Variants in GRIN2B observed in about 807,000 individuals in gnomAD.
GRIN2B encodes glutamate ionotropic receptor NMDA type subunit 2B, also known as glutamate receptor ionotropic, NMDA 2B.
In GRIN2B, 5 loss-of-function variants were observed where a neutral mutation model predicts 114.5. The observed-to-expected ratio is 0.04, with a 90% CI of 0.02 to 0.09. The LOEUF (loss-of-function observed/expected upper bound fraction) is 0.09, where lower values mean the gene tolerates loss of function less well. Ranked by LOEUF, GRIN2B falls within the 10% of genes least tolerant of loss-of-function variation. The pLI is 1.00. For synonymous variants in GRIN2B, 787 were observed against 745.1 expected (o/e 1.06, Z -0.92); for missense variants, 1,108 against 1,943.5 (o/e 0.57, Z 8.08).
intron 3 of GRIN2B, among the ~76,000 whole-genome samples, chr12:13,769,180 G>A (rs904601411): frequency 6.6e-6 from 1 of 152,010 alleles, no homozygotes; most frequent in Non-Finnish European, 1.5e-5. Flanking sequence ...CGTTTACCTT[G>A]CTCAGAATGC....
intron 5 of GRIN2B, among the ~76,000 whole-genome samples, chr12:13,647,874 C>G (rs935766076): frequency 3.3e-5 from 5 of 152,076 alleles, no homozygotes; most frequent in African/African-American, 1.2e-4. Context: ...TTAATGAATC[C>G]CGCAGCTTCT....
At chr12:13,622,661 A>G (rs575010707) in intron 5 of GRIN2B, among the ~76,000 whole-genome samples, 19 of 152,094 alleles carry the variant, frequency 1.2e-4, no homozygotes, top group Non-Finnish European at 2.5e-4. Flanking sequence ...AGTCCAATAT[A>G]AAGGTGCTGG....
At chr12:13,971,931 C>T (rs541942612) in intron 2 of GRIN2B, among the ~76,000 whole-genome samples, 4 of 152,304 alleles carry the variant, frequency 2.6e-5, no homozygotes, top group Non-Finnish European at 2.9e-5. Context: ...ACCGTCATAT[C>T]CCAACAGCAT....
intron 5 of GRIN2B, among the ~76,000 whole-genome samples, chr12:13,655,165 A>G (rs1949850654): frequency 6.6e-6 from 1 of 152,128 alleles, no homozygotes; most frequent in Non-Finnish European, 1.5e-5. Context: ...TCAACATTCA[A>G]CCAAAAAACC....
intron 3 of GRIN2B, among the ~76,000 whole-genome samples, chr12:13,810,141 C>A (rs1053801514): frequency 6.6e-6 from 1 of 152,126 alleles, no homozygotes; most frequent in Non-Finnish European, 1.5e-5. Flanking sequence ...CCACCACCCC[C>A]CTCCCCACCA....
intron 3 of GRIN2B, among the ~76,000 whole-genome samples, chr12:13,813,154 G>A (rs1257595771): frequency 6.6e-6 from 1 of 151,930 alleles, no homozygotes; most frequent in Non-Finnish European, 1.5e-5. Context: ...TGGCCAGGCT[G>A]GTCTCGAACT....
At chr12:13,735,044 G>A (rs926349031) in intron 4 of GRIN2B, among the ~76,000 whole-genome samples, 17 of 152,190 alleles carry the variant, frequency 1.1e-4, no homozygotes, top group African/African-American at 4.1e-4. Context: ...GAAGGTTAAG[G>A]CCGGATATTC....
At chr12:13,669,635 C>G (rs1950005711) in intron 5 of GRIN2B, among the ~76,000 whole-genome samples, 2 of 152,104 alleles carry the variant, frequency 1.3e-5, no homozygotes, top group Non-Finnish European at 2.9e-5. Context: ...AAGCAGTCAC[C>G]AACACTGCAC....
At chr12:13,810,798 AAAT>A (rs1864715584) in intron 3 of GRIN2B, among the ~76,000 whole-genome samples, 2 of 152,232 alleles carry the variant, frequency 1.3e-5, no homozygotes, top group South Asian at 4.1e-4. Context: ...GAGGAACAAG[AAAT>A]AATAATCTTT....
chr12:13,605,551 T>TCTCTCTCTCTCTCTCTCTCTCACACA, intron 10 of GRIN2B, among the ~76,000 whole-genome samples: 18 of 30,482 alleles, frequency 5.9e-4, no homozygotes, highest in South Asian at 1.3e-3. Flanking sequence ...TCTCTCTCTC[T>TCTCTCTCTCTCTCTCTCTCTCACACA]GACACACACA....
chr12:13,790,978 G>T (rs1029572880), intron 3 of GRIN2B, among the ~76,000 whole-genome samples: 1 of 152,192 alleles, frequency 6.6e-6, no homozygotes, highest in African/African-American at 2.4e-5. Context: ...CACAGAACTA[G>T]GGTCCAGAAG....
At chr12:13,913,004 C>G (rs2136802011) in intron 2 of GRIN2B, among the ~76,000 whole-genome samples, 1 of 152,240 alleles carries the variant, frequency 6.6e-6, no homozygotes, top group South Asian at 2.1e-4. Context: ...CCTTAGTCCT[C>G]CCATCAGAAA....
chr12:13,943,076 T>C (rs1290225310), intron 2 of GRIN2B, among the ~76,000 whole-genome samples: 1 of 152,026 alleles, frequency 6.6e-6, no homozygotes, highest in Non-Finnish European at 1.5e-5. Flanking sequence ...GGACCTGACT[T>C]CTAGCCTTAG....
intron 2 of GRIN2B, among the ~76,000 whole-genome samples, chr12:13,880,969 CT>C (rs1344428616): frequency 2.0e-5 from 3 of 151,898 alleles, no homozygotes; most frequent in Non-Finnish European, 4.4e-5. Context: ...TCTTGCCTTG[CT>C]TTGGCTGACA....
chr12:13,587,131 T>G (rs1383426382), intron 10 of GRIN2B, among the ~76,000 whole-genome samples: 1 of 152,090 alleles, frequency 6.6e-6, no homozygotes, highest in Non-Finnish European at 1.5e-5. Context: ...ATAAATTCTA[T>G]TAACATATAA....
At chr12:13,964,934 T>C (rs1278734353) in intron 2 of GRIN2B, among the ~76,000 whole-genome samples, 1 of 152,176 alleles carries the variant, frequency 6.6e-6, no homozygotes, top group Admixed American at 6.5e-5. Flanking sequence ...GTTCCCACCT[T>C]TGTTGAGAAT....
At chr12:13,823,333 C>T (rs1433465051) in intron 3 of GRIN2B, among the ~76,000 whole-genome samples, 2 of 151,984 alleles carry the variant, frequency 1.3e-5, no homozygotes, top group Non-Finnish European at 1.5e-5. Context: ...TTTAAGTCTT[C>T]AATATTTCTC....
At position 13,753,758 on chromosome 12, in the gene GRIN2B, A is replaced by G; in HGVS notation, c.569T>C (p.Ile190Thr). The change falls in exon 4 of 14, where the codon ATT (isoleucine) becomes ACT (threonine). Residue 190 changes from isoleucine to threonine, a missense_variant. By Grantham distance (89) the Ile-to-Thr change is moderately conservative. Around this residue, in one of 19 missense-constraint regions of GRIN2B, gnomAD observed 199 missense variants for 439.6 expected, o/e 0.45. Coordinates refer to ENST00000609686, the MANE Select transcript of GRIN2B (RefSeq NM_000834.5). The surrounding 1 kb of genome is among the most constrained non-coding windows in gnomAD (Gnocchi z 6.2). The stretch of plus-strand genomic sequence containing the variant: ...CTCCCAGCCCACAAAGCTATTCTCA[A>G]TGGTGCTGCGGATCTTGTTTACAAA... The part of the protein sequence containing the change: ...QDFVNKIRST[I>T]ENSFVGWELE... 6.2e-7 allele frequency: 1 copy of G among 1,614,092 alleles called. No individual in the cohort carries two copies. Among genetic ancestry groups the G allele is most frequent in the Non-Finnish European group, 8.5e-7 (1 of 1,179,956 alleles).
At chr12:13,915,797 C>A (rs1021324795) in intron 2 of GRIN2B, among the ~76,000 whole-genome samples, 1 of 152,104 alleles carries the variant, frequency 6.6e-6, no homozygotes, top group African/African-American at 2.4e-5. Flanking sequence ...TCTGAAACTT[C>A]CAAGCACCTG....
Sources: gnomAD v4.1 joint callset for allele counts (sites outside exome capture counted in the v4.1 genomes callset) on GRCh38, gnomAD v4.1.1 for gene constraint, gnomAD v4.1.1 regional missense constraint, Gnocchi (gnomAD v3.1) non-coding constraint, MANE v1.5 for transcripts, NCBI Gene and HGNC (gene_info 2026-07-23, HGNC 2026-07-21) for gene names.